Variants in SMAD4 observed in about 807,000 individuals in gnomAD.
SMAD4 encodes MAD homolog 4.
SMAD4 carries 7 observed loss-of-function variants against 63.2 expected under a neutral mutation model. That is an observed-to-expected ratio of 0.11 (90% CI 0.06 to 0.21). SMAD4 has a LOEUF of 0.21. Ranked by LOEUF, SMAD4 falls within the 10% of genes least tolerant of loss-of-function variation. The pLI is 1.00. For synonymous variants in SMAD4, 215 were observed against 235.4 expected (o/e 0.91, Z 0.79); for missense variants, 312 against 693.8 (o/e 0.45, Z 6.18).
chr18:51,070,545 AAG>A (rs1910289641), intron 10 of SMAD4, among the ~76,000 whole-genome samples: 1 of 152,224 alleles, frequency 6.6e-6, no homozygotes, highest in African/African-American at 2.4e-5. Flanking sequence ...ACTAGTCAGA[AAG>A]AGACAGTTAC....
intron 9 of SMAD4, among the ~76,000 whole-genome samples, chr18:51,065,969 T>C (rs1910138932): frequency 1.3e-5 from 2 of 152,228 alleles, no homozygotes; most frequent in South Asian, 4.1e-4. Flanking sequence ...TTACTTATAA[T>C]GTTAAAAAAA....
Position 51,084,012 on chromosome 18 carries a change from G to GCACACACA in SMAD4, c.*5570_*5577dup, listed in dbSNP as rs56017493. ...TTAACGCGCGTGCGCACGCGCGCGCGCACACACACACACACACACACACAC... is the reference window on the plus strand; with the variant it reads ...TTAACGCGCGTGCGCACGCGCGCGCGCACACACACACACACACACACACACACACACAC... On this transcript the variant is annotated 3_prime_UTR_variant, in exon 12 of 12. Coordinates refer to ENST00000342988, the MANE Select transcript of SMAD4 (RefSeq NM_005359.6). The GCACACACA allele has an allele frequency of 0.011, 1,795 of 162,544 alleles. 29 individuals carry two copies. The highest frequency in any genetic ancestry group is 0.043 in the Admixed American group (551 of 12,872). 10.1% of individuals were successfully genotyped at this position (162,544 alleles called of 1,614,324 possible). A position where few individuals can be genotyped will look rare whatever the true frequency, so the allele number is the denominator to read the frequency against.
intron 1 of SMAD4, among the ~76,000 whole-genome samples, chr18:51,042,320 C>CCTCCCTCCCTCT (rs1222321971): frequency 2.3e-5 from 3 of 133,086 alleles, no homozygotes; most frequent in South Asian, 2.7e-4. Flanking sequence ...TCCCTCCCTC[C>CCTCCCTCCCTCT]CTCCCTCCCT....
chr18:51,071,875 A>G (rs982927468), intron 10 of SMAD4, among the ~76,000 whole-genome samples: 3 of 152,222 alleles, frequency 2.0e-5, no homozygotes, highest in African/African-American at 7.2e-5. Flanking sequence ...ATTATGTAAT[A>G]TAGTCTTTTA....
chr18:51,040,548 A>G (rs1909345472), intron 1 of SMAD4, among the ~76,000 whole-genome samples: 1 of 152,312 alleles, frequency 6.6e-6, no homozygotes, highest in East Asian at 1.9e-4. Flanking sequence ...CAGTTAATTC[A>G]AAAGTAAACT....
intron 11 of SMAD4, 32 bp downstream of exon 11, chr18:51,076,808 A>G: frequency 6.8e-7 from 1 of 1,477,392 alleles, no homozygotes; most frequent in Non-Finnish European, 9.2e-7. Flanking sequence ...TTTTAAAGGT[A>G]TAATAGTTGA....
chr18:51,074,703 A>AG (rs1332338268), intron 10 of SMAD4, among the ~76,000 whole-genome samples: 1 of 152,202 alleles, frequency 6.6e-6, no homozygotes, highest in Non-Finnish European at 1.5e-5. Context: ...GTGGTTGTAG[A>AG]GCTATTTACC....
Position 51,084,446 on chromosome 18 carries a change from A to C in SMAD4, c.*5979A>C, listed in dbSNP as rs1755121821. 4.7e-6 allele frequency: 1 copy of C among 211,042 alleles called. No homozygotes were observed. The highest frequency in any genetic ancestry group is 2.3e-5 in the African/African-American group (1 of 43,660). 13.1% of individuals were successfully genotyped at this position (211,042 alleles called of 1,614,324 possible). ...CTCTCTTCTAGCCTACCCTTGGATG[A>C]GTACAATTAATGAAATTCATATTTT... On this transcript the variant is annotated 3_prime_UTR_variant, in exon 12 of 12. Transcript: ENST00000342988.
intron 10 of SMAD4, among the ~76,000 whole-genome samples, chr18:51,073,942 A>G (rs1057332412): frequency 6.6e-6 from 1 of 152,182 alleles, no homozygotes; most frequent in African/African-American, 2.4e-5. Flanking sequence ...TGTGAAAGAC[A>G]GGGTCAGAGA....
chr18:51,048,211 C>T (rs1417967622), intron 2 of SMAD4, among the ~76,000 whole-genome samples: 1 of 152,134 alleles, frequency 6.6e-6, no homozygotes, highest in African/African-American at 2.4e-5. Flanking sequence ...AGCTGGAGTG[C>T]AGTGGTGCAA....
chr18:51,073,382 T>TAC (rs1910373871), intron 10 of SMAD4, among the ~76,000 whole-genome samples: 5 of 88,102 alleles, frequency 5.7e-5, no homozygotes, highest in African/African-American at 8.4e-5. Flanking sequence ...TATATATATA[T>TAC]ATATATACAC....
chr18:51,076,525 C>A (rs1910474332), intron 10 of SMAD4, 113 bp from the exon 11 acceptor site: 6 of 875,338 alleles, frequency 6.9e-6, no homozygotes, highest in Non-Finnish European at 9.0e-6. Flanking sequence ...TTAATTAATT[C>A]TTTTCATGTG....
At chr18:51,070,111 TTTA>T (rs1910277277) in intron 10 of SMAD4, among the ~76,000 whole-genome samples, 2 of 152,210 alleles carry the variant, frequency 1.3e-5, no homozygotes, top group Non-Finnish European at 2.9e-5. Context: ...AGTCTCTTGT[TTTA>T]TTTATGTAAT....
chr18:51,049,441 T>C lies in SMAD4; in HGVS notation c.454+117T>C. Reference sequence around the variant, plus strand: ...GCAGTAACATTAACAAGAAAATAACTTACTGCTTTGGAAATGTAGATTTTG... The same window carrying C: ...GCAGTAACATTAACAAGAAAATAACCTACTGCTTTGGAAATGTAGATTTTG... On this transcript the variant is annotated intron_variant, in intron 4 of 11. Transcript: ENST00000342988. The C allele has an allele frequency of 3.9e-6, 3 of 774,294 alleles. No individual in the cohort carries two copies. The South Asian group carries it at 4.4e-5, about 11-fold the overall frequency. 48.0% of individuals were successfully genotyped at this position (774,294 alleles called of 1,614,324 possible). A position where few individuals can be genotyped will look rare whatever the true frequency, so the allele number is the denominator to read the frequency against.
chr18:51,069,477 G>A (rs1315930188), intron 10 of SMAD4, among the ~76,000 whole-genome samples: 1 of 152,070 alleles, frequency 6.6e-6, no homozygotes, highest in Non-Finnish European at 1.5e-5. Flanking sequence ...TTTTGTATTC[G>A]TGGGCCAAGT....
Position 51,030,527 on chromosome 18 carries a change from G to A in SMAD4, c.-224G>A, listed in dbSNP as rs1444420184. The A allele has an allele frequency of 6.7e-6, 1 of 150,252 alleles. No individual in the cohort carries two copies. Among genetic ancestry groups the A allele is most frequent in the East Asian group, 2.0e-4 (1 of 5,126 alleles). The allele number at this position is 150,252 out of a possible 1,614,324, so 9.3% of individuals were successfully genotyped here. ...CGGGACGCCTCGGGGCGGGGGCCGAGGAGCTCTCCGGGCCGCCGGGGAAAG... is the reference window on the plus strand; with the variant it reads ...CGGGACGCCTCGGGGCGGGGGCCGAAGAGCTCTCCGGGCCGCCGGGGAAAG... On this transcript the variant is annotated 5_prime_UTR_variant, in exon 1 of 12. Coordinates refer to ENST00000342988, the MANE Select transcript of SMAD4 (RefSeq NM_005359.6).
chr18:51,043,562 A>G (rs1178233020), intron 1 of SMAD4, among the ~76,000 whole-genome samples: 1 of 152,184 alleles, frequency 6.6e-6, no homozygotes, highest in Non-Finnish European at 1.5e-5. Context: ...ATTATTTTTT[A>G]TATGCATAAC....
intron 8 of SMAD4, among the ~76,000 whole-genome samples, chr18:51,065,071 CTGATTA>C (rs1910111741): frequency 6.6e-6 from 1 of 151,988 alleles, no homozygotes; most frequent in Non-Finnish European, 1.5e-5. Context: ...ATTTTAGATT[CTGATTA>C]TTTCTGTTCT....
chr18:51,052,456 G>C (rs1009125188), intron 4 of SMAD4: 1 of 157,220 alleles, frequency 6.4e-6, no homozygotes, highest in African/African-American at 2.4e-5. Flanking sequence ...TTTGTTTATG[G>C]ATATATCCCA....
Sources: allele counts gnomAD v4.1 joint callset (sites outside exome capture counted in the v4.1 genomes callset), GRCh38; gene constraint gnomAD v4.1.1; transcripts MANE v1.5; gene names NCBI Gene and HGNC (gene_info 2026-07-23, HGNC 2026-07-21).